The following ATP11A variants were observed in gnomAD, a reference collection of about 807,000 sequenced individuals.
ATP11A encodes the protein phospholipid-transporting ATPase IH.
Under a neutral mutation model 154.4 loss-of-function variants are expected in ATP11A, and 81 were observed. The ratio of observed to expected loss-of-function variants is 0.52; its 90% CI spans 0.44 to 0.63. ATP11A has a LOEUF of 0.63. Among genes scored for constraint, ATP11A ranks in the 30% least tolerant of loss-of-function variants. The pLI is 0.00. For synonymous variants in ATP11A, 623 were observed against 585.9 expected (o/e 1.06, Z -0.91); for missense variants, 1,316 against 1,474.3 (o/e 0.89, Z 1.76).
intron 17 of ATP11A, among the ~76,000 whole-genome samples, chr13:112,843,108 C>T (rs1318811880): frequency 6.7e-6 from 1 of 148,664 alleles, no homozygotes; most frequent in Non-Finnish European, 1.5e-5. Context: ...GTCCTAACGC[C>T]GAGCGACGCA....
intron 2 of ATP11A, among the ~76,000 whole-genome samples, chr13:112,795,684 G>A (rs1163631134): frequency 1.3e-5 from 2 of 152,238 alleles, no homozygotes; most frequent in African/African-American, 2.4e-5. Flanking sequence ...ATGCTGGAAA[G>A]TAAGACTGGC....
rs2080788681 is a variant in ATP11A at position 112,878,231 on chromosome 13, C to G, written c.3342C>G (p.Cys1114Trp). The change falls in exon 29 of 30, where the codon TGC (cysteine) becomes TGG (tryptophan). Residue 1114 changes from cysteine to tryptophan, a missense_variant. Physicochemically the swap from Cys to Trp is radical, Grantham distance 215. Around this residue, in one of 5 missense-constraint regions of ATP11A, gnomAD observed 294 missense variants for 290.2 expected, o/e 1.01. Transcript: ENST00000375645. The part of the protein sequence containing the change: ...ATERVQTKSQ[C>W]LSVEQSTIFM... Reference sequence around the variant, plus strand: ...TCGGGACTAAGACTAAGAGCCAGTGCCTTTCTGTCGAGCAGTCAACCATCT... The same window carrying G: ...TCGGGACTAAGACTAAGAGCCAGTGGCTTTCTGTCGAGCAGTCAACCATCT... The G allele has an allele frequency of 1.2e-6, 2 of 1,614,212 alleles. No homozygotes were observed. The highest frequency in any genetic ancestry group is 1.7e-6 in the Non-Finnish European group (2 of 1,180,032).
rs917615186 is a variant in ATP11A, at chr13:112,885,698, A to C, written c.*3832A>C. ...ACACACATATACACACATGTGCCACAAACAAGTGCACACTGTCCTGGTGTC... is the reference window on the plus strand; with the variant it reads ...ACACACATATACACACATGTGCCACCAACAAGTGCACACTGTCCTGGTGTC... On this transcript the variant is annotated 3_prime_UTR_variant, in exon 30 of 30. Coordinates refer to ENST00000375645, the MANE Select transcript of ATP11A (RefSeq NM_015205.3). 4 of 152,346 alleles carry C rather than the reference A, an allele frequency of 2.6e-5. No individual in the cohort carries two copies. Among genetic ancestry groups the C allele is most frequent in the African/African-American group, 9.6e-5 (4 of 41,480 alleles). The allele number at this position is 152,346 out of a possible 1,614,324, so 9.4% of individuals were successfully genotyped here.
intron 1 of ATP11A, among the ~76,000 whole-genome samples, chr13:112,704,138 AC>A (rs1886889350): frequency 6.6e-6 from 1 of 152,216 alleles, no homozygotes; most frequent in African/African-American, 2.4e-5. Flanking sequence ...CACACCACCC[AC>A]ACGTCAGCCA....
chr13:112,705,025 C>T (rs1241169734), intron 1 of ATP11A, among the ~76,000 whole-genome samples: 2 of 152,228 alleles, frequency 1.3e-5, no homozygotes, highest in East Asian at 3.9e-4. Flanking sequence ...GAATAACGGG[C>T]ATCTCCTTTT....
At chr13:112,711,434 C>G (rs1887737560) in intron 1 of ATP11A, among the ~76,000 whole-genome samples, 1 of 152,006 alleles carries the variant, frequency 6.6e-6, no homozygotes, top group Non-Finnish European at 1.5e-5. Flanking sequence ...TAGCAAGACC[C>G]TGTCTCTGAT....
chr13:112,848,889 C>T (rs1320302291), intron 17 of ATP11A, among the ~76,000 whole-genome samples: 5 of 152,224 alleles, frequency 3.3e-5, no homozygotes, highest in East Asian at 1.9e-4. Flanking sequence ...GGTTTCACCA[C>T]GTTGGCCAGT....
chr13:112,713,922 AGC>A, intron 1 of ATP11A, among the ~76,000 whole-genome samples: 1 of 99,166 alleles, frequency 1.0e-5, no homozygotes, highest in Non-Finnish European at 2.1e-5. Context: ...CCCTGATCCC[AGC>A]CTCCCTTCCA....
At position 112,753,720 on chromosome 13, in the gene ATP11A, ATATT is replaced by A. The variant is rs1164183695; in HGVS notation, c.40-31410_40-31407del. Among the ~76,000 whole-genome samples, 2 of 152,082 alleles carry A rather than the reference ATATT, an allele frequency of 1.3e-5. No individual in the cohort carries two copies. The highest frequency in any genetic ancestry group is 3.8e-4 in the East Asian group (2 of 5,200). On this transcript the variant is annotated intron_variant, in intron 1 of 29. Transcript: ENST00000375645. The surrounding 1 kb of genome is among the most constrained non-coding windows in gnomAD (Gnocchi z 4.1). Reference sequence around the variant, plus strand: ...TATTTTTGTGTGCCTGATTCCTGACATATTTATTATTAATAATAATGGAGCAATA... The same window carrying A: ...TATTTTTGTGTGCCTGATTCCTGACATATTATTAATAATAATGGAGCAATA...
chr13:112,757,175 A>G (rs1229739980), intron 1 of ATP11A, among the ~76,000 whole-genome samples: 1 of 152,206 alleles, frequency 6.6e-6, no homozygotes, highest in African/African-American at 2.4e-5. Flanking sequence ...CCAGCCTACG[A>G]GAATGGCCGC....
intron 1 of ATP11A, among the ~76,000 whole-genome samples, chr13:112,722,693 A>G (rs944032906): frequency 1.3e-5 from 2 of 152,214 alleles, no homozygotes; most frequent in Admixed American, 1.3e-4. Context: ...TGGTTTACAT[A>G]CGTAAAATAC....
chr13:112,751,364 TA>T (rs111591150), intron 1 of ATP11A, among the ~76,000 whole-genome samples: 2,114 of 152,226 alleles, frequency 0.014, 45 homozygotes, highest in African/African-American at 0.04. Context: ...TTATATTAAA[TA>T]AATTAGCCCT....
intron 2 of ATP11A, among the ~76,000 whole-genome samples, chr13:112,796,548 C>T (rs1416797103): frequency 2.6e-5 from 4 of 152,208 alleles, no homozygotes; most frequent in Non-Finnish European, 5.9e-5. Flanking sequence ...AAGTTTCTCC[C>T]TGGAGCCTCC....
In ATP11A at chr13:112,875,463, T is replaced by A. The variant is rs2080690234; in HGVS notation, c.3162-313T>A. On this transcript the variant is annotated intron_variant, in intron 27 of 29. Transcript: ENST00000375645. The surrounding 1 kb of genome is among the most constrained non-coding windows in gnomAD (Gnocchi z 4.1). Reference sequence around the variant, plus strand: ...AGACTTCAAGATAGAAAAACATCCCTATTTCAATCCCTTTGTGTTTTGTTT... The same window carrying A: ...AGACTTCAAGATAGAAAAACATCCCAATTTCAATCCCTTTGTGTTTTGTTT... Among the ~76,000 whole-genome samples, 1 of 148,946 alleles carries A rather than the reference T, an allele frequency of 6.7e-6. No individual in the cohort carries two copies. The highest frequency in any genetic ancestry group is 1.5e-5 in the Non-Finnish European group (1 of 67,456).
chr13:112,795,968 A>G (rs2077988727), intron 2 of ATP11A, among the ~76,000 whole-genome samples: 1 of 152,272 alleles, frequency 6.6e-6, no homozygotes, highest in Non-Finnish European at 1.5e-5. Context: ...GTTTCATAGT[A>G]TGCTAAAGAG....
At chr13:112,775,043 G>A (rs937036640) in intron 1 of ATP11A, among the ~76,000 whole-genome samples, 5 of 152,240 alleles carry the variant, frequency 3.3e-5, no homozygotes, top group Admixed American at 6.5e-5. Flanking sequence ...CGTGTGCCTC[G>A]GATGTGGCGT....
intron 17 of ATP11A, among the ~76,000 whole-genome samples, chr13:112,849,908 T>C (rs1011393400): frequency 2.6e-5 from 4 of 152,234 alleles, no homozygotes; most frequent in Non-Finnish European, 5.9e-5. Flanking sequence ...TTCTCACTTA[T>C]TCTTGACCAG....
chr13:112,749,194 C>T (rs894123433), intron 1 of ATP11A, among the ~76,000 whole-genome samples: 7 of 152,192 alleles, frequency 4.6e-5, no homozygotes, highest in Non-Finnish European at 1.0e-4. Flanking sequence ...ACAGTGCAGC[C>T]GGTCTAGCTC....
rs201070163 is a variant in ATP11A, at chr13:112,831,370, C to T, written c.1222-5C>T. ...GCGCCCTGACTTGCTGTGCCCTGCC[C>T]GCAGGTGGAGTACATCTTCACAGAC... On this transcript the variant is annotated splice_region_variant and splice_polypyrimidine_tract_variant and intron_variant, in intron 12 of 29. Transcript: ENST00000375645. The T allele has an allele frequency of 1.4e-4, 219 of 1,613,100 alleles. No homozygotes were observed. In the African/African-American group the frequency reaches 2.0e-3, roughly 15 times the overall value.
Sources: allele counts gnomAD v4.1 joint callset (sites outside exome capture counted in the v4.1 genomes callset), GRCh38; gene constraint gnomAD v4.1.1; regional missense constraint gnomAD v4.1.1; non-coding constraint Gnocchi (gnomAD v3.1); transcripts MANE v1.5; gene names NCBI Gene and HGNC (gene_info 2026-07-23, HGNC 2026-07-21).